The following ZNF469 variants were observed in gnomAD, a reference collection of about 807,000 sequenced individuals.
ZNF469 encodes the protein zinc finger protein 469.
ZNF469 carries 1 observed loss-of-function variant against 1.0 expected under a neutral mutation model. The observed-to-expected ratio is 1.00, with a 90% CI of 0.35 to 4.73. ZNF469 has a LOEUF of 4.73. ZNF469 is among the 30% of genes most tolerant of loss of function. The pLI, the probability that ZNF469 is intolerant of heterozygous loss-of-function variation, is 0.16. For synonymous variants in ZNF469, 2,703 were observed against 2,363.4 expected (o/e 1.14, Z -4.17); for missense variants, 6,100 against 5,356.3 (o/e 1.14, Z -4.33).
chr16:88,411,521 C>CAA (rs1567504097), intron 1 of ZNF469, among the ~76,000 whole-genome samples: 1,270 of 34,440 alleles, frequency 0.037, 29 homozygotes, highest in African/African-American at 0.091. Context: ...GGCAGGGGTG[C>CAA]GAGCGGGCAG....
the ZNF469 span, among the ~76,000 whole-genome samples, chr16:88,117,850 G>A: frequency 0.031 from 4,665 of 152,320 alleles, 226 homozygotes; most frequent in African/African-American, 0.1. Context: ...CCGCCGTGTC[G>A]TCAGAGGCAG....
chr16:88,147,651 G>A, the ZNF469 span, among the ~76,000 whole-genome samples: 2 of 152,078 alleles, frequency 1.3e-5, no homozygotes, highest in Non-Finnish European at 2.9e-5. Flanking sequence ...CTCACGGGAC[G>A]CTGTGCCCCC....
At chr16:88,282,169 C>T in the ZNF469 span, among the ~76,000 whole-genome samples, 1 of 152,158 alleles carries the variant, frequency 6.6e-6, no homozygotes, top group African/African-American at 2.4e-5. Context: ...GGGCCAGAAA[C>T]ACCTTTGGGC....
chr16:88,289,069 G>C, the ZNF469 span, among the ~76,000 whole-genome samples: 13 of 151,578 alleles, frequency 8.6e-5, no homozygotes, highest in African/African-American at 3.2e-4. Flanking sequence ...GGTGATGAGG[G>C]TGATGATGAT....
intron 2 of ZNF469, among the ~76,000 whole-genome samples, chr16:88,425,469 CAGG>C (rs888902723): frequency 1.1e-4 from 17 of 148,828 alleles, no homozygotes; most frequent in African/African-American, 4.4e-4. Flanking sequence ...ATGTGCAGGG[CAGG>C]AGATGTGCAG....
chr16:88,290,148 C>T, the ZNF469 span, among the ~76,000 whole-genome samples: 4 of 152,238 alleles, frequency 2.6e-5, no homozygotes, highest in Admixed American at 2.6e-4. Flanking sequence ...TGCCGGGAGC[C>T]ATGCACCGCG....
chr16:88,215,645 CT>C, the ZNF469 span, among the ~76,000 whole-genome samples: 2 of 151,986 alleles, frequency 1.3e-5, no homozygotes, highest in Non-Finnish European at 2.9e-5. Context: ...CCACCTCGGC[CT>C]CCCAAAGTCC....
chr16:88,209,498 A>C, the ZNF469 span, among the ~76,000 whole-genome samples: 1 of 151,970 alleles, frequency 6.6e-6, no homozygotes, highest in Non-Finnish European at 1.5e-5. Flanking sequence ...TCACTGTGTT[A>C]GCTAGGATGG....
chr16:88,289,158 AAT>A, the ZNF469 span, among the ~76,000 whole-genome samples: 2 of 147,280 alleles, frequency 1.4e-5, no homozygotes, highest in Admixed American at 6.7e-5. Flanking sequence ...TGGTGATGGC[AAT>A]GATGATGATG....
chr16:88,129,885 C>G, the ZNF469 span, among the ~76,000 whole-genome samples: 1 of 152,174 alleles, frequency 6.6e-6, no homozygotes, highest in African/African-American at 2.4e-5. Context: ...AAAAAGAAGG[C>G]TATTGCCACA....
chr16:88,286,004 C>T, the ZNF469 span, among the ~76,000 whole-genome samples: 1 of 152,240 alleles, frequency 6.6e-6, no homozygotes, highest in South Asian at 2.1e-4. Context: ...CGGAGCATCG[C>T]CATCTCCTTC....
chr16:88,318,735 G>A, the ZNF469 span, among the ~76,000 whole-genome samples: 1 of 152,284 alleles, frequency 6.6e-6, no homozygotes, highest in Non-Finnish European at 1.5e-5. Context: ...AGATCTTGGA[G>A]CTCGGAGGAG....
intron 1 of ZNF469, among the ~76,000 whole-genome samples, chr16:88,401,678 CATGG>C (rs148630242): frequency 0.26 from 27,650 of 105,490 alleles, 4,729 homozygotes; most frequent in Middle Eastern, 0.34. Context: ...TGGGTGAGTG[CATGG>C]ATGGATGGAT....
chr16:88,271,534 G>C, the ZNF469 span, among the ~76,000 whole-genome samples: 1 of 140,396 alleles, frequency 7.1e-6, no homozygotes, highest in African/African-American at 2.5e-5. Context: ...TGGAAAGGAA[G>C]CTGCCTGATG....
intron 2 of ZNF469, among the ~76,000 whole-genome samples, 130 bp from the exon 3 acceptor site, chr16:88,427,215 C>T (rs1905748728): frequency 3.3e-5 from 5 of 152,212 alleles, no homozygotes; most frequent in Admixed American, 3.3e-4. Flanking sequence ...CGCGGAGCTT[C>T]TGTGATGGCT....
the ZNF469 span, among the ~76,000 whole-genome samples, chr16:88,186,303 G>A: frequency 1.2e-4 from 18 of 152,218 alleles, no homozygotes; most frequent in Non-Finnish European, 2.2e-4. Context: ...TATGCTAATG[G>A]CATCCACACT....
chr16:88,329,604 G>C, the ZNF469 span, among the ~76,000 whole-genome samples: 11 of 152,220 alleles, frequency 7.2e-5, no homozygotes, highest in Admixed American at 5.2e-4. Flanking sequence ...TTCTGCCCCT[G>C]AAGGCCCCAA....
At chr16:88,381,168 TCACACACAGACATG>T, upstream of ZNF469, among the ~76,000 whole-genome samples, 1 of 75,716 alleles carries the variant, frequency 1.3e-5, no homozygotes, top group South Asian at 4.5e-4. Context: ...AGACACGCCC[TCACACACAGACATG>T]CACTCACACA....
chr16:88,252,229 C>G, the ZNF469 span, among the ~76,000 whole-genome samples: 42 of 139,844 alleles, frequency 3.0e-4, no homozygotes, highest in East Asian at 7.8e-3. Context: ...GCCTGGGACT[C>G]CCTCTGCATA....
Sources: gnomAD v4.1 joint callset for allele counts (sites outside exome capture counted in the v4.1 genomes callset) on GRCh38, gnomAD v4.1.1 for gene constraint, MANE v1.5 for transcripts, NCBI Gene and HGNC (gene_info 2026-07-23, HGNC 2026-07-21) for gene names.